RARB: variants seen among roughly 807,000 people sequenced by gnomAD.
RARB encodes the protein retinoic acid receptor beta, also known as HBV-activated protein.
A neutral mutation model predicts 51.9 loss-of-function variants in RARB; 17 were observed. The ratio of observed to expected loss-of-function variants is 0.33; its 90% confidence interval spans 0.22 to 0.49. The LOEUF is 0.49. Among genes scored for constraint, RARB ranks in the 20% least tolerant of loss-of-function variants. The probability of loss-of-function intolerance (pLI) is 0.99; values close to 1 mark genes in which losing one functional copy is unlikely to be tolerated. For missense variants in RARB, 369 were observed against 550.8 expected (o/e 0.67, Z 3.30); for synonymous variants, 215 against 195.4 (o/e 1.10, Z -0.84).
intron 5 of RARB, among the ~76,000 whole-genome samples, chr3:25,390,641 AATAACCAAATGC>A (rs2125486783): frequency 6.6e-6 from 1 of 152,320 alleles, no homozygotes; most frequent in Admixed American, 6.5e-5. Context: ...ATTCAAATAG[AATAACCAAATGC>A]ATATCCTATC....
intron 5 of RARB, among the ~76,000 whole-genome samples, chr3:25,177,362 C>G (rs1404012308): frequency 6.6e-6 from 1 of 152,162 alleles, no homozygotes; most frequent in Non-Finnish European, 1.5e-5. Flanking sequence ...TCTGTAAAGA[C>G]TCAATAACTA....
At chr3:25,559,535 T>C (rs1388617104) in intron 3 of RARB, among the ~76,000 whole-genome samples, 1 of 152,242 alleles carries the variant, frequency 6.6e-6, no homozygotes, top group Admixed American at 6.5e-5. Flanking sequence ...TTTACTAGAA[T>C]GTGAATCTCT....
intron 5 of RARB, among the ~76,000 whole-genome samples, chr3:25,223,790 T>C (rs1290619999): frequency 6.6e-6 from 1 of 152,208 alleles, no homozygotes; most frequent in Admixed American, 6.5e-5. Context: ...TCTGCACATA[T>C]TTCAGTTTCC....
At chr3:25,464,867 T>C (rs990754317) in intron 2 of RARB, among the ~76,000 whole-genome samples, 4 of 152,184 alleles carry the variant, frequency 2.6e-5, no homozygotes, top group African/African-American at 9.6e-5. Context: ...ACTTAATCTT[T>C]AATAATATTT....
intron 2 of RARB, among the ~76,000 whole-genome samples, chr3:24,898,407 CAG>C (rs1056383037): frequency 7.3e-4 from 110 of 151,198 alleles, no homozygotes; most frequent in Middle Eastern, 3.5e-3. Flanking sequence ...GGAATAATTT[CAG>C]AGTGTTAGCA....
At chr3:25,078,890 A>G (rs1370293599) in intron 3 of RARB, among the ~76,000 whole-genome samples, 1 of 152,148 alleles carries the variant, frequency 6.6e-6, no homozygotes, top group African/African-American at 2.4e-5. Flanking sequence ...GCATTTTTAT[A>G]TAAATTTTAG....
chr3:25,266,252 T>G (rs1703124126), intron 5 of RARB, among the ~76,000 whole-genome samples: 1 of 152,142 alleles, frequency 6.6e-6, no homozygotes, highest in Admixed American at 6.6e-5. Context: ...ATATTTTGCT[T>G]AATACAACAA....
chr3:25,026,205 T>G (rs1386367825), intron 2 of RARB, among the ~76,000 whole-genome samples: 1 of 152,212 alleles, frequency 6.6e-6, no homozygotes, highest in Non-Finnish European at 1.5e-5. Context: ...GTCCAGGGCT[T>G]CGAGTTGACC....
At chr3:25,373,514 A>G (rs746808111) in intron 5 of RARB, among the ~76,000 whole-genome samples, 17 of 152,134 alleles carry the variant, frequency 1.1e-4, no homozygotes, top group Non-Finnish European at 1.9e-4. Context: ...AGTCAGAATA[A>G]ACAATCTTAT....
intron 2 of RARB, among the ~76,000 whole-genome samples, chr3:25,044,568 T>C (rs1346024451): frequency 6.6e-6 from 1 of 152,184 alleles, no homozygotes; most frequent in East Asian, 1.9e-4. Context: ...TTCCATGTGC[T>C]AGGAGTCGTG....
chr3:25,055,477 G>A (rs1698417598), intron 2 of RARB, among the ~76,000 whole-genome samples: 1 of 152,126 alleles, frequency 6.6e-6, no homozygotes, highest in Admixed American at 6.5e-5. Flanking sequence ...ATTTGCACAA[G>A]TTCCAGCTTG....
At chr3:25,369,285 T>C (rs1311167072) in intron 5 of RARB, among the ~76,000 whole-genome samples, 1 of 152,170 alleles carries the variant, frequency 6.6e-6, no homozygotes, top group Non-Finnish European at 1.5e-5. Flanking sequence ...GTGTGAGCCA[T>C]TAATTCTGCC....
chr3:25,095,017 C>G (rs1343911327), intron 3 of RARB, among the ~76,000 whole-genome samples: 1 of 152,204 alleles, frequency 6.6e-6, no homozygotes, highest in Non-Finnish European at 1.5e-5. Flanking sequence ...CAGGAATTCT[C>G]TCAAGGTCAC....
chr3:25,310,909 C>T (rs1057336427), intron 5 of RARB, among the ~76,000 whole-genome samples: 12 of 152,142 alleles, frequency 7.9e-5, no homozygotes, highest in Non-Finnish European at 1.3e-4. Flanking sequence ...ATTTGTTACT[C>T]GGTTTATATT....
chr3:24,850,700 G>T (rs1174803415), intron 1 of RARB, among the ~76,000 whole-genome samples: 1 of 152,146 alleles, frequency 6.6e-6, no homozygotes, highest in African/African-American at 2.4e-5. Context: ...TGGGTCTTTG[G>T]GTTAGACCTG....
chr3:24,925,323 C>T (rs574870006), intron 2 of RARB, among the ~76,000 whole-genome samples: 2 of 151,948 alleles, frequency 1.3e-5, no homozygotes, highest in Non-Finnish European at 2.9e-5. Context: ...TAATATTTTG[C>T]CATTTTGTTG....
intron 4 of RARB, among the ~76,000 whole-genome samples, chr3:25,163,865 A>G (rs1383567254): frequency 6.6e-6 from 1 of 152,206 alleles, no homozygotes; most frequent in Non-Finnish European, 1.5e-5. Context: ...GTAGTGGGGA[A>G]TGAAAAGAGC....
chr3:25,478,135 T>TG (rs1575442395), intron 2 of RARB, among the ~76,000 whole-genome samples: 1 of 152,162 alleles, frequency 6.6e-6, no homozygotes, highest in East Asian at 1.9e-4. Flanking sequence ...AGGAGCCACA[T>TG]GGCCTTTTAT....
chr3:25,411,841 G>A (rs1707570492), intron 5 of RARB, among the ~76,000 whole-genome samples: 1 of 152,196 alleles, frequency 6.6e-6, no homozygotes, highest in African/African-American at 2.4e-5. Flanking sequence ...CTTCCAGCAA[G>A]TCAAAAGATG....
Sources: allele counts gnomAD v4.1 joint callset (sites outside exome capture counted in the v4.1 genomes callset), GRCh38; gene constraint gnomAD v4.1.1; transcripts MANE v1.5; gene names NCBI Gene and HGNC (gene_info 2026-07-23, HGNC 2026-07-21).